PLPP1: variants seen among roughly 807,000 people sequenced by gnomAD.
PLPP1 encodes phospholipid phosphatase 1, also known as lipid phosphate phosphohydrolase 1a.
Under a neutral mutation model 31.2 loss-of-function variants are expected in PLPP1, and 24 were observed. The ratio of observed to expected loss-of-function variants is 0.77; its 90% CI spans 0.56 to 1.08. The LOEUF (loss-of-function observed/expected upper bound fraction) is 1.08, where lower values mean the gene tolerates loss of function less well. Ranked by LOEUF, PLPP1 falls within the 50% of genes least tolerant of loss-of-function variation. The probability of loss-of-function intolerance (pLI) is 0.00; values close to 1 mark genes in which losing one functional copy is unlikely to be tolerated. For missense variants in PLPP1, 319 were observed against 342.7 expected (o/e 0.93, Z 0.55); for synonymous variants, 146 against 126.3 (o/e 1.16, Z -1.05).
intron 3 of PLPP1, among the ~76,000 whole-genome samples, chr5:55,448,604 C>T (rs1234920408): frequency 3.9e-5 from 6 of 152,096 alleles, no homozygotes; most frequent in Non-Finnish European, 7.4e-5. Context: ...TGCGCCACCA[C>T]ACCCAGCTAA....
At chr5:55,476,069 C>A (rs1752543448) in intron 1 of PLPP1, among the ~76,000 whole-genome samples, 1 of 150,670 alleles carries the variant, frequency 6.6e-6, no homozygotes, top group Admixed American at 6.6e-5. Context: ...GCCTTGATCT[C>A]CTGGGCTCAA....
intron 3 of PLPP1, among the ~76,000 whole-genome samples, chr5:55,459,452 GATTTCTATAGAAC>G (rs1561231317): frequency 2.0e-5 from 3 of 152,090 alleles, no homozygotes; most frequent in African/African-American, 7.2e-5. Context: ...TGACCAAACT[GATTTCTATAGAAC>G]ATTTCACCCA....
In PLPP1 at chr5:55,496,739, A is replaced by G. The variant is rs538650032; in HGVS notation, c.59-21289T>C. Among the ~76,000 whole-genome samples, 12 of 152,330 alleles carry G rather than the reference A, an allele frequency of 7.9e-5. No individual in the cohort carries two copies. The South Asian group carries it at 1.5e-3, about 18-fold the overall frequency. On this transcript the variant is annotated intron_variant, in intron 1 of 5. Coordinates refer to ENST00000307259, the MANE Select transcript of PLPP1 (RefSeq NM_003711.4). The stretch of plus-strand genomic sequence containing the variant: ...TGTCTGCTCTTAGTGCACTACTCCT[A>G]TGATATGTTGAGGAAAACAGACACA...
chr5:55,486,295 T>C (rs866363424), intron 1 of PLPP1, among the ~76,000 whole-genome samples: 1 of 152,178 alleles, frequency 6.6e-6, no homozygotes, highest in Non-Finnish European at 1.5e-5. Context: ...TTATAAAATA[T>C]ATAAAGTGGC....
Position 55,534,613 on chromosome 5 carries a change from C to T in PLPP1, c.17G>A (p.Arg6Gln), listed in dbSNP as rs1479300720. The T allele has an allele frequency of 6.4e-7, 1 of 1,558,458 alleles. No individual in the cohort carries two copies. The highest frequency in any genetic ancestry group is 8.7e-7 in the Non-Finnish European group (1 of 1,154,232). Residue 6 changes from arginine to glutamine, a missense_variant, in exon 1 of 6, where the codon CGG becomes CAG. Transcript: ENST00000307259. The stretch of plus-strand genomic sequence containing the variant: ...CACATCGAGGGCCACGTACGGCAGC[C>T]GCGTCTTGTCAAACATGGTCTCTGC... MFDKT[R>Q]LPYVALDVLC...
At chr5:55,438,676 C>T (rs1579922859) in intron 4 of PLPP1, among the ~76,000 whole-genome samples, 2 of 152,168 alleles carry the variant, frequency 1.3e-5, no homozygotes, top group South Asian at 4.2e-4. Flanking sequence ...CCGAGGCAGG[C>T]GGATCACGAG....
intron 1 of PLPP1, among the ~76,000 whole-genome samples, chr5:55,490,213 T>A (rs6450313): frequency 0.85 from 124,769 of 146,980 alleles, 53,277 homozygotes; most frequent in South Asian, 0.92. Flanking sequence ...TGCAATGGCA[T>A]GATCTTGGCT....
In PLPP1 at chr5:55,473,295, G is replaced by A. The variant is rs78684492; in HGVS notation, c.210+2004C>T. 1.2e-3 allele frequency among the ~76,000 whole-genome samples: 190 copies of A among 152,248 alleles called. 4 individuals are homozygous for A. In the East Asian group the frequency reaches 0.033, roughly 26 times the overall value. On this transcript the variant is annotated intron_variant, in intron 2 of 5. Coordinates refer to ENST00000307259, the MANE Select transcript of PLPP1 (RefSeq NM_003711.4). ...TTGGGAGAGTCACCAACATTACTGC[G>A]TAATTACTCTATAGTTTCCTTCATA...
chr5:55,429,377 C>T (rs2111663333), intron 4 of PLPP1, among the ~76,000 whole-genome samples: 1 of 152,130 alleles, frequency 6.6e-6, no homozygotes, highest in African/African-American at 2.4e-5. Flanking sequence ...ACCAAAATGA[C>T]AGGAAACACC....
intron 1 of PLPP1, among the ~76,000 whole-genome samples, chr5:55,529,908 A>T (rs1181180292): frequency 6.6e-6 from 1 of 152,224 alleles, no homozygotes; most frequent in African/African-American, 2.4e-5. Flanking sequence ...TACAACAGGG[A>T]TTCTCTTTCA....
At chr5:55,468,353 G>C in intron 2 of PLPP1, 1 of 468,968 alleles carries the variant, frequency 2.1e-6, no homozygotes, top group Non-Finnish European at 3.7e-6. Flanking sequence ...ATCAATGGTG[G>C]ACATTACTTA....
At chr5:55,456,227 C>A (rs1353545969) in intron 3 of PLPP1, among the ~76,000 whole-genome samples, 3 of 152,110 alleles carry the variant, frequency 2.0e-5, no homozygotes, top group Non-Finnish European at 4.4e-5. Flanking sequence ...ACCTAATGGT[C>A]ACTACAACTG....
intron 1 of PLPP1, among the ~76,000 whole-genome samples, chr5:55,486,875 T>G (rs1752785793): frequency 6.6e-6 from 1 of 151,802 alleles, no homozygotes; most frequent in Non-Finnish European, 1.5e-5. Context: ...ATCGCACCAT[T>G]GCACTCCAGC....
Position 55,482,225 on chromosome 5 carries a change from C to CACAT in PLPP1, c.59-6776_59-6775insATGT, listed in dbSNP as rs1255161391. 7.3e-4 allele frequency among the ~76,000 whole-genome samples: 110 copies of CACAT among 149,676 alleles called. 11 individuals carry two copies. The highest frequency in any genetic ancestry group is 2.6e-3 in the African/African-American group (106 of 40,702). On this transcript the variant is annotated intron_variant, in intron 1 of 5. Transcript: ENST00000307259. ...ACAGACACACACACACACACACACA[C>CACAT]ATCTCCAGTCAGGATACGCATTCAA...
intron 4 of PLPP1, among the ~76,000 whole-genome samples, chr5:55,430,641 C>T (rs1391408963): frequency 6.6e-6 from 1 of 152,144 alleles, no homozygotes; most frequent in African/African-American, 2.4e-5. Flanking sequence ...ACTGTTAAAC[C>T]AGATGTACAG....
chr5:55,531,650 T>G (rs898551744), intron 1 of PLPP1, among the ~76,000 whole-genome samples: 1 of 152,342 alleles, frequency 6.6e-6, no homozygotes. Flanking sequence ...AAAACTCTCT[T>G]GAAGCTACCA....
Position 55,434,452 on chromosome 5 carries a change from A to T in PLPP1, c.549+7399T>A, listed in dbSNP as rs546432830. On this transcript the variant is annotated intron_variant, in intron 4 of 5. Coordinates refer to ENST00000307259, the MANE Select transcript of PLPP1 (RefSeq NM_003711.4). ...AAAATCCTAAAATTCATACAGAATT[A>T]AAAAAGAGCCAGAAAGCCAAAGTAA... Among the ~76,000 whole-genome samples, 5 of 152,292 alleles carry T rather than the reference A, an allele frequency of 3.3e-5. No individual in the cohort carries two copies. The East Asian group carries it at 5.8e-4, about 18-fold the overall frequency.
intron 1 of PLPP1, among the ~76,000 whole-genome samples, chr5:55,478,596 C>G (rs1355437485): frequency 6.6e-6 from 1 of 151,900 alleles, no homozygotes; most frequent in Admixed American, 6.6e-5. Flanking sequence ...AGGATGTATA[C>G]AGAGAGAAAA....
chr5:55,514,820 AAAGAT>A (rs1380164959), intron 1 of PLPP1, among the ~76,000 whole-genome samples: 1 of 152,234 alleles, frequency 6.6e-6, no homozygotes, highest in African/African-American at 2.4e-5. Flanking sequence ...ATTTTACACA[AAAGAT>A]AAGATGAAGA....
Sources: gnomAD v4.1 joint callset for allele counts (sites outside exome capture counted in the v4.1 genomes callset) on GRCh38, gnomAD v4.1.1 for gene constraint, MANE v1.5 for transcripts, NCBI Gene and HGNC (gene_info 2026-07-23, HGNC 2026-07-21) for gene names.